The following ADAMTS5 variants were observed in gnomAD, a reference collection of about 807,000 sequenced individuals.
The protein encoded by ADAMTS5 is A disintegrin and metalloproteinase with thrombospondin motifs 5.
A neutral mutation model predicts 81.4 loss-of-function variants in ADAMTS5; 54 were observed. The observed-to-expected ratio is 0.66, with a 90% confidence interval of 0.53 to 0.83. The LOEUF is 0.83. Ranked by LOEUF, ADAMTS5 falls within the 40% of genes least tolerant of loss-of-function variation. The pLI is 0.00. For missense variants in ADAMTS5, 1,194 were observed against 1,229.9 expected, an observed-to-expected ratio of 0.97 and a Z score of 0.44; for synonymous variants, 532 against 508.8, an observed-to-expected ratio of 1.05 and a Z score of -0.61.
intron 5 of ADAMTS5, 139 bp from the exon 6 acceptor site, chr21:26,932,318 G>T: frequency 1.2e-6 from 1 of 810,382 alleles, no homozygotes; most frequent in Non-Finnish European, 1.9e-6. Flanking sequence ...CACCAATGCT[G>T]ATGGATTTTA....
In ADAMTS5 at chr21:26,966,784, G is replaced by C. The variant is rs1013380749; in HGVS notation, c.-393C>G. ...AAAGTAAGGAAAGGTACCGCGCACCGGGCTGGCAACTGGTGCGCGCAGCCT... is the reference window on the plus strand; with the variant it reads ...AAAGTAAGGAAAGGTACCGCGCACCCGGCTGGCAACTGGTGCGCGCAGCCT... On this transcript the variant is annotated 5_prime_UTR_variant, in exon 1 of 8. Transcript: ENST00000284987. 6.6e-5 allele frequency among the ~76,000 whole-genome samples: 10 copies of C among 152,156 alleles called. No individual in the cohort carries two copies. The highest frequency in any genetic ancestry group is 5.8e-4 in the East Asian group (3 of 5,178).
chr21:26,920,988 A>G lies in ADAMTS5; in HGVS notation c.*3065T>C, dbSNP rs1017147782. On this transcript the variant is annotated 3_prime_UTR_variant, in exon 8 of 8. Transcript: ENST00000284987. ...TGCTGTATATTATGTAAACTCACAA[A>G]GTGTAAAAGTGTACTTTATACACAA... The G allele has an allele frequency of 6.6e-6, 1 of 152,582 alleles. No homozygotes were observed. The highest frequency in any genetic ancestry group is 2.4e-5 in the African/African-American group (1 of 41,452). The allele number at this position is 152,582 out of a possible 1,614,324, so 9.5% of individuals were successfully genotyped here. A position where few individuals can be genotyped will look rare whatever the true frequency, so the allele number is the denominator to read the frequency against.
At chr21:26,952,225 A>C (rs1055843585) in intron 2 of ADAMTS5, among the ~76,000 whole-genome samples, 12 of 152,236 alleles carry the variant, frequency 7.9e-5, no homozygotes, top group African/African-American at 2.9e-4. Context: ...GAAGGGCATA[A>C]TCATATATCA....
At chr21:26,933,141 C>A in intron 4 of ADAMTS5, 97 bp from the exon 5 acceptor site, 1 of 1,289,570 alleles carries the variant, frequency 7.8e-7, no homozygotes, top group South Asian at 1.4e-5. Flanking sequence ...AAAGTGGAAA[C>A]TTTGTCACAG....
intron 3 of ADAMTS5, among the ~76,000 whole-genome samples, chr21:26,942,105 A>C (rs1168218846): frequency 6.6e-6 from 1 of 152,152 alleles, no homozygotes; most frequent in Non-Finnish European, 1.5e-5. Flanking sequence ...TGAGACAAGC[A>C]AATATATAGT....
intron 7 of ADAMTS5, among the ~76,000 whole-genome samples, chr21:26,926,417 A>G (rs1411701939): frequency 1.3e-5 from 2 of 152,242 alleles, no homozygotes; most frequent in Non-Finnish European, 2.9e-5. Context: ...TCACACCTGT[A>G]ATCCCAGCAC....
chr21:26,923,861 G>A lies in ADAMTS5; in HGVS notation c.*192C>T. On this transcript the variant is annotated 3_prime_UTR_variant, in exon 8 of 8. Coordinates refer to ENST00000284987, the MANE Select transcript of ADAMTS5 (RefSeq NM_007038.5). ...CTCCCAAGTTTTTCTATATTGCAAGGTCACCACTGTCACGTGAAGCAGTGC... is the reference window on the plus strand; with the variant it reads ...CTCCCAAGTTTTTCTATATTGCAAGATCACCACTGTCACGTGAAGCAGTGC... 3 of 556,578 alleles carry A rather than the reference G, an allele frequency of 5.4e-6. No individual in the cohort carries two copies. The Admixed American group carries it at 9.7e-5, about 18-fold the overall frequency. 34.5% of individuals were successfully genotyped at this position (556,578 alleles called of 1,614,324 possible).
At chr21:26,956,864 A>G (rs953747094) in intron 1 of ADAMTS5, among the ~76,000 whole-genome samples, 1 of 152,224 alleles carries the variant, frequency 6.6e-6, no homozygotes, top group African/African-American at 2.4e-5. Flanking sequence ...TCAATTGCTC[A>G]TTAGAGGCCA....
Position 26,965,505 on chromosome 21 carries a change from G to C in ADAMTS5, c.887C>G (p.Ser296Cys). The change falls in exon 1 of 8, where the codon TCC becomes TGC. Residue 296 changes from serine to cysteine, a missense_variant. Coordinates refer to ENST00000284987, the MANE Select transcript of ADAMTS5 (RefSeq NM_007038.5). The stretch of plus-strand genomic sequence containing the variant: ...ATGGCTGTACAGCCTATTGGCGATG[G>C]AGGCCAGGGTCAGCAGGTAATGCTG... ...GLQHYLLTLA[S>C]IANRLYSHAS... is the part of the protein sequence containing the mutation. 6.2e-7 allele frequency: 1 copy of C among 1,614,212 alleles called. No homozygotes were observed.
At chr21:26,950,952 C>A (rs753562835) in intron 2 of ADAMTS5, among the ~76,000 whole-genome samples, 3 of 152,074 alleles carry the variant, frequency 2.0e-5, no homozygotes, top group Non-Finnish European at 4.4e-5. Flanking sequence ...GTCTCCTGGG[C>A]TCAAGCAGTC....
chr21:26,947,856 C>G (rs1294842408), intron 2 of ADAMTS5, among the ~76,000 whole-genome samples: 1 of 152,108 alleles, frequency 6.6e-6, no homozygotes, highest in African/African-American at 2.4e-5. Context: ...TGTCTGTCAG[C>G]AAGTAACATC....
chr21:26,956,569 TC>T (rs1987431302), intron 1 of ADAMTS5, among the ~76,000 whole-genome samples: 1 of 152,048 alleles, frequency 6.6e-6, no homozygotes, highest in Non-Finnish European at 1.5e-5. Flanking sequence ...TTTAAGCCCC[TC>T]CCCCACAATC....
chr21:26,924,554 T>A lies in ADAMTS5; in HGVS notation c.2292A>T (p.Lys764Asn). 1 of 1,614,144 alleles carries A rather than the reference T, an allele frequency of 6.2e-7. No individual in the cohort carries two copies. The highest frequency in any genetic ancestry group is 8.5e-7 in the Non-Finnish European group (1 of 1,180,018). The change falls in exon 8 of 8, where the codon AAA becomes AAT. Residue 764 changes from lysine (K) to asparagine (N), a missense_variant. Lys to Asn is a moderately conservative substitution (Grantham distance 94). Transcript: ENST00000284987. ...CAGTGAATCTAGTCTGGTCTTTGGC[T>A]TTGAACTGTCGAACTTTTATGTGGG... The part of the protein sequence containing the change: ...GATHIKVRQF[K>N]AKDQTRFTAY...
intron 2 of ADAMTS5, among the ~76,000 whole-genome samples, chr21:26,953,605 A>C (rs920843777): frequency 1.3e-5 from 2 of 152,208 alleles, no homozygotes; most frequent in Non-Finnish European, 1.5e-5. Context: ...ATTCCCATTT[A>C]AAAGTTATAA....
chr21:26,932,097 C>A lies in ADAMTS5; in HGVS notation c.1956G>T (p.Trp652Cys). ...GCAGGACACCTGCATATTTGGGAAC[C>A]CATTCCACAAAAGTTTTGACTCCTT... Reference protein sequence around the residue: ...DAKGVKTFVEWVPKYAGVLPA... With the variant: ...DAKGVKTFVECVPKYAGVLPA... Residue 652 changes from tryptophan to cysteine, a missense_variant, in exon 6 of 8, where the codon TGG becomes TGT. By Grantham distance (215) the Trp-to-Cys change is radical. This residue lies in a region of ADAMTS5 where 696 missense variants were observed against 817.6 expected (regional missense o/e 0.85). Coordinates refer to ENST00000284987, the MANE Select transcript of ADAMTS5 (RefSeq NM_007038.5). The A allele has an allele frequency of 6.2e-7, 1 of 1,614,160 alleles. No homozygotes were observed. The highest frequency in any genetic ancestry group is 8.5e-7 in the Non-Finnish European group (1 of 1,180,022).
At chr21:26,933,188 G>C (rs1441291727) in intron 4 of ADAMTS5, 144 bp from the exon 5 acceptor site, 2 of 916,246 alleles carry the variant, frequency 2.2e-6, no homozygotes, top group African/African-American at 3.4e-5. Flanking sequence ...ACATGATCAT[G>C]CTTTGGAAAT....
In ADAMTS5 at chr21:26,965,876, G is replaced by C; in HGVS notation, c.516C>G (p.Pro172=). 6.2e-7 allele frequency: 1 copy of C among 1,613,760 alleles called. No homozygotes were observed. Among genetic ancestry groups the C allele is most frequent in the Non-Finnish European group, 8.5e-7 (1 of 1,179,902 alleles). The change falls in exon 1 of 8, where the codon CCC becomes CCG. Residue 172 remains proline (P), a synonymous_variant. Transcript: ENST00000284987. The part of the protein sequence containing the change: ...RYTLKPLLRG[P]WAEEEKGRVY... ...CGCGCCCCTTTTCTTCCTCCGCCCA[G>C]GGTCCGCGCAGCAGTGGCTTTAGGG... is the stretch of plus-strand genomic sequence containing the variant.
At chr21:26,936,596 T>G (rs2123178589) in intron 3 of ADAMTS5, among the ~76,000 whole-genome samples, 1 of 152,266 alleles carries the variant, frequency 6.6e-6, no homozygotes, top group African/African-American at 2.4e-5. Flanking sequence ...TTGGGGGCAT[T>G]ATATAAAAAT....
intron 3 of ADAMTS5, among the ~76,000 whole-genome samples, chr21:26,942,036 CT>C (rs11302276): frequency 0.18 from 27,483 of 151,362 alleles, 2,958 homozygotes; most frequent in East Asian, 0.51. Context: ...TAAAAAGGAA[CT>C]TTTTTTTTGT....
Sources: allele counts gnomAD v4.1 joint callset (sites outside exome capture counted in the v4.1 genomes callset), GRCh38; gene constraint gnomAD v4.1.1; regional missense constraint gnomAD v4.1.1; transcripts MANE v1.5; gene names NCBI Gene and HGNC (gene_info 2026-07-23, HGNC 2026-07-21).